NFATC3: variants seen among roughly 807,000 people sequenced by gnomAD.
NFATC3 encodes nuclear factor of activated T-cells, cytoplasmic 3.
A neutral mutation model predicts 98.6 loss-of-function variants in NFATC3; 46 were observed. That is an observed-to-expected ratio of 0.47 (90% CI 0.37 to 0.60). The LOEUF is 0.60. NFATC3 is among the 20% of genes least tolerant of loss of function. NFATC3 has a pLI of 0.00. For synonymous variants in NFATC3, 512 were observed against 472.2 expected, an observed-to-expected ratio of 1.08 and a Z score of -1.09; for missense variants, 1,256 against 1,295.5, an observed-to-expected ratio of 0.97 and a Z score of 0.47.
chr16:68,196,796 C>CGAGGTGGGCAGATCACCT (rs1276760103), intron 9 of NFATC3, among the ~76,000 whole-genome samples: 1 of 152,034 alleles, frequency 6.6e-6, no homozygotes, highest in Non-Finnish European at 1.5e-5. Flanking sequence ...TTTGGGAGGC[C>CGAGGTGGGCAGATCACCT]GAGGTGGGCA....
Position 68,228,647 on chromosome 16 carries a change from G to A in NFATC3, c.*2176G>A, listed in dbSNP as rs1312630274. The A allele has an allele frequency of 2.0e-5, 3 of 152,608 alleles. No individual in the cohort carries two copies. The highest frequency in any genetic ancestry group is 7.2e-5 in the African/African-American group (3 of 41,436). The allele number at this position is 152,608 out of a possible 1,614,324, so 9.5% of individuals were successfully genotyped here. A position where few individuals can be genotyped will look rare whatever the true frequency, so the allele number is the denominator to read the frequency against. ...CTTTGTAAAAGCTTTGGTGTTAAGA[G>A]TCAATATTTTTTGGCTTTGTAGATA... On this transcript the variant is annotated 3_prime_UTR_variant, in exon 10 of 10. Transcript: ENST00000346183.
intron 8 of NFATC3, among the ~76,000 whole-genome samples, chr16:68,186,333 C>G (rs1273663277): frequency 6.6e-6 from 1 of 151,958 alleles, no homozygotes; most frequent in Non-Finnish European, 1.5e-5. Context: ...GTCAGGAGAT[C>G]AAGATCATCC....
chr16:68,184,004 CAAAAAAAAAAAA>C (rs34341175), intron 8 of NFATC3, among the ~76,000 whole-genome samples: 1 of 62,260 alleles, frequency 1.6e-5, no homozygotes, highest in East Asian at 5.1e-4. Context: ...AACTCCGTCA[CAAAAAAAAAAAA>C]AAAAAAAAAG....
chr16:68,192,812 G>T (rs1273904991), intron 9 of NFATC3, among the ~76,000 whole-genome samples: 1 of 152,128 alleles, frequency 6.6e-6, no homozygotes, highest in Non-Finnish European at 1.5e-5. Flanking sequence ...GCAGTGAGCT[G>T]TGATCATGCC....
intron 9 of NFATC3, chr16:68,209,747 G>A (rs1204596990): frequency 1.5e-5 from 7 of 476,402 alleles, no homozygotes; most frequent in African/African-American, 6.0e-5. Context: ...GGGAAACCCC[G>A]TAAAGTGGTT....
intron 9 of NFATC3, chr16:68,214,489 C>A: frequency 6.8e-7 from 1 of 1,476,754 alleles, no homozygotes; most frequent in Non-Finnish European, 9.5e-7. Flanking sequence ...TATTTGCATG[C>A]AGTGGCTGGA....
chr16:68,118,770 A>G (rs1446022743), intron 1 of NFATC3, among the ~76,000 whole-genome samples: 1 of 152,208 alleles, frequency 6.6e-6, no homozygotes, highest in Non-Finnish European at 1.5e-5. Context: ...TAATATGTAC[A>G]AAGTAGAAGT....
chr16:68,138,651 C>G (rs1418551928), intron 3 of NFATC3: 1 of 1,288,794 alleles, frequency 7.8e-7, no homozygotes, highest in Non-Finnish European at 1.0e-6. Context: ...TCACCACTTA[C>G]AATTTTTTGG....
intron 2 of NFATC3, 138 bp downstream of exon 2, chr16:68,123,259 C>G: frequency 2.5e-6 from 2 of 816,138 alleles, no homozygotes; most frequent in Non-Finnish European, 3.5e-6. Flanking sequence ...AAAATTTTAC[C>G]AAATAACTTA....
chr16:68,142,640 C>T (rs1037754358), intron 3 of NFATC3, among the ~76,000 whole-genome samples: 4 of 151,986 alleles, frequency 2.6e-5, no homozygotes, highest in African/African-American at 4.8e-5. Context: ...TGCCTGTAAT[C>T]TCAGCTACTT....
intron 9 of NFATC3, chr16:68,217,769 T>C: frequency 8.1e-7 from 1 of 1,231,422 alleles, no homozygotes; most frequent in Middle Eastern, 3.1e-4. Flanking sequence ...GAGGAAGGGA[T>C]GGGAAAAAGG....
At chr16:68,214,737 A>C (rs536746234) in intron 9 of NFATC3, among the ~76,000 whole-genome samples, 18 of 152,364 alleles carry the variant, frequency 1.2e-4, no homozygotes, top group Non-Finnish European at 2.4e-4. Context: ...TGGGTTGCTC[A>C]GTAAATTTGG....
chr16:68,228,350 C>T lies in NFATC3; in HGVS notation c.*1879C>T, dbSNP rs908064605. ...TTGGAGGGGCAAGAAGTTGGCCTCT[C>T]GGTTGACATTCCAGAGAAATGGCCA... On this transcript the variant is annotated 3_prime_UTR_variant, in exon 10 of 10. Transcript: ENST00000346183. 3.3e-5 allele frequency: 5 copies of T among 152,088 alleles called. No individual in the cohort carries two copies. Among genetic ancestry groups the T allele is most frequent in the African/African-American group, 7.2e-5 (3 of 41,386 alleles). 9.4% of individuals were successfully genotyped at this position (152,088 alleles called of 1,614,324 possible). A position where few individuals can be genotyped will look rare whatever the true frequency, so the allele number is the denominator to read the frequency against.
At chr16:68,211,386 C>T (rs1204761450) in intron 9 of NFATC3, among the ~76,000 whole-genome samples, 1 of 151,842 alleles carries the variant, frequency 6.6e-6, no homozygotes, top group Non-Finnish European at 1.5e-5. Flanking sequence ...CGGGGTTTCA[C>T]CATGTTGGCC....
chr16:68,123,232 T>C, intron 2 of NFATC3, 111 bp downstream of exon 2: 1 of 1,148,704 alleles, frequency 8.7e-7, no homozygotes, highest in Non-Finnish European at 1.2e-6. Flanking sequence ...CCATTTCTCC[T>C]CTTCCTATTT....
chr16:68,133,031 T>C (rs765865357), intron 3 of NFATC3, among the ~76,000 whole-genome samples: 17 of 152,170 alleles, frequency 1.1e-4, no homozygotes, highest in Non-Finnish European at 1.9e-4. Flanking sequence ...TTTGGGAGGC[T>C]GAGGCAGGTA....
intron 9 of NFATC3, among the ~76,000 whole-genome samples, chr16:68,209,982 A>ATGG (rs142055287): frequency 2.4e-5 from 2 of 82,236 alleles, no homozygotes; most frequent in Non-Finnish European, 4.4e-5. Flanking sequence ...CCTGGGCAAC[A>ATGG]TGAAATCCCA....
intron 4 of NFATC3, among the ~76,000 whole-genome samples, chr16:68,165,292 C>G (rs1021584209): frequency 6.7e-6 from 1 of 149,918 alleles, no homozygotes; most frequent in Non-Finnish European, 1.5e-5. Context: ...AAAAAAAATT[C>G]TTCTCCTGTG....
At chr16:68,219,189 G>A (rs2041759012) in intron 9 of NFATC3, among the ~76,000 whole-genome samples, 2 of 151,746 alleles carry the variant, frequency 1.3e-5, no homozygotes, top group South Asian at 4.2e-4. Context: ...TTTGAGACCA[G>A]CCTGAACATG....
Sources: allele counts gnomAD v4.1 joint callset (sites outside exome capture counted in the v4.1 genomes callset), GRCh38; gene constraint gnomAD v4.1.1; transcripts MANE v1.5; gene names NCBI Gene and HGNC (gene_info 2026-07-23, HGNC 2026-07-21).